The following RYR2 variants were observed in gnomAD, a reference collection of about 807,000 sequenced individuals.
RYR2 encodes the protein ryanodine receptor 2.
In RYR2, 227 loss-of-function variants were observed where a neutral mutation model predicts 601.1. The observed-to-expected ratio is 0.38, with a 90% CI of 0.34 to 0.42. The LOEUF (loss-of-function observed/expected upper bound fraction) is 0.42. Ranked by LOEUF, RYR2 falls within the 10% of genes least tolerant of loss-of-function variation. The probability of loss-of-function intolerance (pLI) is 1.00; values close to 1 mark genes in which losing one functional copy is unlikely to be tolerated. For missense variants in RYR2, 4,646 were observed against 6,156.5 expected, an observed-to-expected ratio of 0.75 and a Z score of 8.21; for synonymous variants, 2,223 against 2,175.1, an observed-to-expected ratio of 1.02 and a Z score of -0.61.
At chr1:237,458,404 A>G (rs989084651) in intron 16 of RYR2, among the ~76,000 whole-genome samples, 5 of 152,148 alleles carry the variant, frequency 3.3e-5, no homozygotes, top group Non-Finnish European at 2.9e-5. Flanking sequence ...ACTCCAGCCT[A>G]GGTGACAGAA....
intron 22 of RYR2, among the ~76,000 whole-genome samples, chr1:237,506,217 A>T (rs1390779664): frequency 6.6e-6 from 1 of 151,868 alleles, no homozygotes; most frequent in Admixed American, 6.6e-5. Flanking sequence ...AGTTGTCAAA[A>T]AAAAAAGGTA....
chr1:237,655,931 G>A lies in RYR2; in HGVS notation c.8076G>A (p.Gln2692=), dbSNP rs1425029026. The A allele has an allele frequency of 1.2e-6, 2 of 1,613,304 alleles. No homozygotes were observed. The highest frequency in any genetic ancestry group is 1.7e-6 in the Non-Finnish European group (2 of 1,179,584). Reference sequence around the variant, plus strand: ...ATTATGTCAGTATGATGGAAAAACAGTCATCAATGGATTCTGAAGGGAACT... The same window carrying A: ...ATTATGTCAGTATGATGGAAAAACAATCATCAATGGATTCTGAAGGGAACT... ...ESNYVSMMEK[Q]SSMDSEGNFN... Residue 2692 remains glutamine (Q), a synonymous_variant, in exon 53 of 105, where the codon CAG becomes CAA. Coordinates refer to ENST00000366574, the MANE Select transcript of RYR2 (RefSeq NM_001035.3).
rs137944004 is a variant in RYR2, at chr1:237,491,005, A to G, written c.1709-801A>G. 6.7e-3 allele frequency among the ~76,000 whole-genome samples: 1,021 copies of G among 152,294 alleles called. 9 individuals are homozygous for G. Among genetic ancestry groups the G allele is most frequent in the African/African-American group, 0.022 (923 of 41,556 alleles). Reference sequence around the variant, plus strand: ...AATGGGACCCATTCTCATTGTTGACAAGGCAAGCTTGTTCAGAAAACATGA... The same window carrying G: ...AATGGGACCCATTCTCATTGTTGACGAGGCAAGCTTGTTCAGAAAACATGA... On this transcript the variant is annotated intron_variant, in intron 17 of 104. Coordinates refer to ENST00000366574, the MANE Select transcript of RYR2 (RefSeq NM_001035.3).
intron 16 of RYR2, among the ~76,000 whole-genome samples, chr1:237,463,202 C>T (rs533672616): frequency 3.1e-4 from 47 of 152,128 alleles, no homozygotes; most frequent in South Asian, 2.1e-3. Flanking sequence ...TTCTGTGCTG[C>T]GTAGGGCCTG....
intron 1 of RYR2, among the ~76,000 whole-genome samples, chr1:237,061,288 T>TATCATCTATC (rs1558164180): frequency 8.1e-5 from 4 of 49,202 alleles, no homozygotes; most frequent in African/African-American, 1.5e-4. Context: ...TCTATCTATC[T>TATCATCTATC]ATCTATCTAT....
intron 2 of RYR2, among the ~76,000 whole-genome samples, chr1:237,313,014 A>C (rs755965552): frequency 3.1e-4 from 46 of 150,702 alleles, no homozygotes; most frequent in Admixed American, 5.9e-4. Flanking sequence ...CAAGATATTT[A>C]ATATAAGATA....
rs776066541 is a variant in RYR2, at chr1:237,614,511, C to A, written c.5383C>A (p.Leu1795Met). The change falls in exon 37 of 105, where the codon CTG becomes ATG. Residue 1795 changes from leucine (L) to methionine (M), a missense_variant. By Grantham distance (15) the Leu-to-Met change is conservative. Transcript: ENST00000366574. The surrounding 1 kb of genome is among the most constrained non-coding windows in gnomAD (Gnocchi z 4.3). The stretch of plus-strand genomic sequence containing the variant: ...CCTCAAGTCCAAAACCATACAGATG[C>A]TGACAGAAGCTGTTAAAGAGGGCAG... Reference protein sequence around the residue: ...DILKSKTIQMLTEAVKEGSLH... With the variant: ...DILKSKTIQMMTEAVKEGSLH... The A allele has an allele frequency of 1.9e-6, 3 of 1,614,058 alleles. No homozygotes were observed. In the South Asian group the frequency reaches 3.3e-5, roughly 18 times the overall value.
At chr1:237,208,843 A>G (rs1162689943) in intron 1 of RYR2, among the ~76,000 whole-genome samples, 1 of 149,870 alleles carries the variant, frequency 6.7e-6, no homozygotes, top group African/African-American at 2.5e-5. Context: ...TTAAGTTTAT[A>G]CCCTTTGACC....
At chr1:237,302,360 T>TA (rs1318444194) in intron 2 of RYR2, among the ~76,000 whole-genome samples, 1 of 152,168 alleles carries the variant, frequency 6.6e-6, no homozygotes, top group Non-Finnish European at 1.5e-5. Flanking sequence ...ACAATTATGG[T>TA]AAAAAATTCA....
intron 48 of RYR2, 113 bp downstream of exon 48, chr1:237,643,560 A>G (rs1407987134): frequency 2.5e-5 from 27 of 1,099,988 alleles, no homozygotes; most frequent in South Asian, 6.6e-5. Context: ...AATTATGTGT[A>G]TACTACTTAA....
At chr1:237,761,526 G>A (rs1327166065) in intron 84 of RYR2, among the ~76,000 whole-genome samples, 1 of 152,096 alleles carries the variant, frequency 6.6e-6, no homozygotes, top group Non-Finnish European at 1.5e-5. Context: ...TGCAAGTCTA[G>A]ATTGATGAAA....
At chr1:237,463,384 T>C (rs1440563550) in intron 16 of RYR2, among the ~76,000 whole-genome samples, 1 of 152,186 alleles carries the variant, frequency 6.6e-6, no homozygotes, top group African/African-American at 2.4e-5. Flanking sequence ...ATCTAAATTT[T>C]TCTGTAAGTC....
chr1:237,831,943 T>C (rs1198777565), intron 104 of RYR2, among the ~76,000 whole-genome samples: 1 of 152,228 alleles, frequency 6.6e-6, no homozygotes, highest in Non-Finnish European at 1.5e-5. Flanking sequence ...GTGTTTAAGC[T>C]ATTTGAAATT....
chr1:237,184,944 A>G (rs552154489), intron 1 of RYR2, among the ~76,000 whole-genome samples: 20 of 150,396 alleles, frequency 1.3e-4, no homozygotes, highest in African/African-American at 4.9e-4. Flanking sequence ...ATCACAGCTC[A>G]CAGCAGCCTC....
intron 2 of RYR2, among the ~76,000 whole-genome samples, chr1:237,307,914 C>A (rs1185842547): frequency 6.6e-6 from 1 of 152,182 alleles, no homozygotes; most frequent in East Asian, 1.9e-4. Flanking sequence ...GCCAGAGCGA[C>A]TCCATTTTGA....
intron 38 of RYR2, among the ~76,000 whole-genome samples, chr1:237,622,935 C>T (rs1008292340): frequency 3.3e-5 from 5 of 152,104 alleles, no homozygotes; most frequent in South Asian, 4.1e-4. Context: ...GAAACACTTC[C>T]GGCCCCAAGC....
intron 2 of RYR2, among the ~76,000 whole-genome samples, chr1:237,315,368 C>G (rs1477184875): frequency 6.6e-6 from 1 of 151,880 alleles, no homozygotes; most frequent in African/African-American, 2.4e-5. Flanking sequence ...AGACCATCAT[C>G]AAGTTTTTAC....
chr1:237,343,725 C>T (rs534943711), intron 3 of RYR2, among the ~76,000 whole-genome samples: 5 of 151,830 alleles, frequency 3.3e-5, no homozygotes, highest in Admixed American at 1.3e-4. Context: ...GGTACAGGCT[C>T]TAAAGCTCCA....
At chr1:237,102,033 T>A (rs1179381973) in intron 1 of RYR2, among the ~76,000 whole-genome samples, 1 of 152,166 alleles carries the variant, frequency 6.6e-6, no homozygotes, top group Non-Finnish European at 1.5e-5. Flanking sequence ...TCAAAGGAAT[T>A]GCTGTGGACT....
Sources: gnomAD v4.1 joint callset for allele counts (sites outside exome capture counted in the v4.1 genomes callset) on GRCh38, gnomAD v4.1.1 for gene constraint, Gnocchi (gnomAD v3.1) non-coding constraint, MANE v1.5 for transcripts, NCBI Gene and HGNC (gene_info 2026-07-23, HGNC 2026-07-21) for gene names.